TAF1A: variants seen among roughly 807,000 people sequenced by gnomAD.
The protein encoded by TAF1A is TATA-box binding protein associated factor, RNA polymerase I subunit A, also known as TATA box-binding protein-associated factor RNA polymerase I subunit A.
Under a neutral mutation model 61.6 loss-of-function variants are expected in TAF1A, and 42 were observed. The ratio of observed to expected loss-of-function variants is 0.68; its 90% CI spans 0.53 to 0.88. TAF1A has a LOEUF of 0.88. TAF1A is among the 40% of genes least tolerant of loss of function. The pLI is 0.00. For missense variants in TAF1A, 424 were observed against 518.7 expected, an observed-to-expected ratio of 0.82 and a Z score of 1.77; for synonymous variants, 179 against 177.7, an observed-to-expected ratio of 1.01 and a Z score of -0.06.
At chr1:222,573,052 T>C (rs1477619155) in intron 5 of TAF1A, among the ~76,000 whole-genome samples, 1 of 152,176 alleles carries the variant, frequency 6.6e-6, no homozygotes, top group Non-Finnish European at 1.5e-5. Context: ...GCAGATCACT[T>C]GAGGTCAGGA....
Position 222,561,405 on chromosome 1 carries a change from G to A in TAF1A, c.1199C>T (p.Ala400Val), listed in dbSNP as rs1383134719. 5.6e-6 allele frequency: 9 copies of A among 1,610,860 alleles called. No homozygotes were observed. The highest frequency in any genetic ancestry group is 7.6e-6 in the Non-Finnish European group (9 of 1,178,598). ...ACCAGCCACAAAAGCTTTCTCACAG[G>A]CCAAAGCTGTATCTTCCTTCCAATC... ...KSDWKEDTAL[A>V]CEKAFVAGLL... Residue 400 changes from alanine to valine, a missense_variant, in exon 10 of 11, where the codon GCC becomes GTC. Ala to Val is a moderately conservative substitution (Grantham distance 64). Coordinates refer to ENST00000352967, the MANE Select transcript of TAF1A (RefSeq NM_005681.4).
In TAF1A at chr1:222,577,393, C is replaced by T. The variant is rs557328680; in HGVS notation, c.604+52G>A. 5 of 1,452,308 alleles carry T rather than the reference C, an allele frequency of 3.4e-6. No individual in the cohort carries two copies. In the East Asian group the frequency reaches 1.1e-4, roughly 33 times the overall value. The allele number at this position is 1,452,308 out of a possible 1,614,324, so 90.0% of individuals were successfully genotyped here. A position where few individuals can be genotyped will look rare whatever the true frequency, so the allele number is the denominator to read the frequency against. On this transcript the variant is annotated intron_variant, in intron 5 of 10. Transcript: ENST00000352967. ...AAATTACTAGATTACTCCTTAAGAT[C>T]CCTCTGCCCCTCAGTCTCATCATAA...
intron 8 of TAF1A, 48 bp from the exon 9 acceptor site, chr1:222,563,344 C>T (rs752888286): frequency 1.9e-6 from 3 of 1,583,690 alleles, no homozygotes; most frequent in South Asian, 2.3e-5. Flanking sequence ...TTAAAGTGTA[C>T]AAAGCTAAAA....
intron 8 of TAF1A, among the ~76,000 whole-genome samples, chr1:222,563,656 G>A (rs966269968): frequency 1.3e-5 from 2 of 152,192 alleles, no homozygotes; most frequent in African/African-American, 4.8e-5. Flanking sequence ...ACCAGCTTGG[G>A]CTTAGCCAGC....
chr1:222,561,078 A>G (rs1261042698), intron 10 of TAF1A, among the ~76,000 whole-genome samples: 4 of 152,188 alleles, frequency 2.6e-5, no homozygotes, highest in Non-Finnish European at 4.4e-5. Flanking sequence ...CTATAAAACA[A>G]GGCCAAATGG....
Position 222,569,536 on chromosome 1 carries a change from T to C in TAF1A, c.868A>G (p.Arg290Gly). 1 of 1,614,050 alleles carries C rather than the reference T, an allele frequency of 6.2e-7. No homozygotes were observed. The highest frequency in any genetic ancestry group is 8.5e-7 in the Non-Finnish European group (1 of 1,179,964). Residue 290 changes from arginine to glycine, a missense_variant, in exon 7 of 11, where the codon AGA (arginine) becomes GGA (glycine). Arg to Gly is a moderately radical substitution (Grantham distance 125). Coordinates refer to ENST00000352967, the MANE Select transcript of TAF1A (RefSeq NM_005681.4). ...TTAAGCACACTTATCAATTTTGATCTTGGTGCCTTCTGTCTCTTTAGAAAG... is the reference window on the plus strand; with the variant it reads ...TTAAGCACACTTATCAATTTTGATCCTGGTGCCTTCTGTCTCTTTAGAAAG... ...YNFLKRQKAP[R>G]SKLISVLKIL...
intron 7 of TAF1A, among the ~76,000 whole-genome samples, chr1:222,564,573 A>C (rs1660047253): frequency 6.6e-6 from 1 of 152,150 alleles, no homozygotes; most frequent in Non-Finnish European, 1.5e-5. Flanking sequence ...AAAGGCTGGG[A>C]GTTAATTTCA....
At chr1:222,561,318 A>G in intron 10 of TAF1A, 46 bp downstream of exon 10, 1 of 1,555,984 alleles carries the variant, frequency 6.4e-7, no homozygotes, top group East Asian at 2.3e-5. Flanking sequence ...ATAATTTCAA[A>G]ATCAGCCAAA....
At chr1:222,581,584 T>C (rs974406033) in intron 3 of TAF1A, among the ~76,000 whole-genome samples, 4 of 152,188 alleles carry the variant, frequency 2.6e-5, no homozygotes, top group Non-Finnish European at 5.9e-5. Flanking sequence ...AATTGTCAAC[T>C]GTTAGAGGAA....
chr1:222,572,014 C>T (rs757988003), intron 5 of TAF1A, among the ~76,000 whole-genome samples: 9 of 151,996 alleles, frequency 5.9e-5, no homozygotes, highest in African/African-American at 4.8e-5. Flanking sequence ...GTCAGGAGTT[C>T]GAGACCAGCC....
At chr1:222,584,388 T>TA (rs1660928596) in intron 2 of TAF1A, 91 bp from the exon 3 acceptor site, 1 of 1,265,318 alleles carries the variant, frequency 7.9e-7, no homozygotes, top group Admixed American at 2.6e-5. Context: ...TTTTAACAAG[T>TA]AAACAGTAGG....
intron 1 of TAF1A, 71 bp from the exon 2 acceptor site, chr1:222,588,636 AC>A (rs1661124421): frequency 4.0e-6 from 6 of 1,488,394 alleles, no homozygotes; most frequent in Middle Eastern, 3.6e-4. Context: ...GTACAGAAAA[AC>A]GGCTATCTTT....
chr1:222,574,281 T>C (rs1252902615), intron 5 of TAF1A, among the ~76,000 whole-genome samples: 1 of 152,008 alleles, frequency 6.6e-6, no homozygotes, highest in Non-Finnish European at 1.5e-5. Flanking sequence ...TCAATAAAGC[T>C]ATAAAGAAAA....
At chr1:222,573,239 C>T (rs1660433643) in intron 5 of TAF1A, among the ~76,000 whole-genome samples, 1 of 152,092 alleles carries the variant, frequency 6.6e-6, no homozygotes, top group South Asian at 2.1e-4. Flanking sequence ...ACTTGCACTC[C>T]TGCCTCGGTG....
chr1:222,560,494 C>A (rs565123000), intron 10 of TAF1A, among the ~76,000 whole-genome samples: 1 of 152,304 alleles, frequency 6.6e-6, no homozygotes, highest in East Asian at 1.9e-4. Flanking sequence ...TCCTACTCTG[C>A]TCAAAGAGAC....
Position 222,573,598 on chromosome 1 carries a change from T to C in TAF1A, c.605-2933A>G, listed in dbSNP as rs140266403. ...TGACTATAATAGAAAAGACAGATAA[T>C]GGCAAGTGTTGGTGAGGATGTGGAG... On this transcript the variant is annotated intron_variant, in intron 5 of 10. Transcript: ENST00000352967. Among the ~76,000 whole-genome samples, 239 of 152,238 alleles carry C rather than the reference T, an allele frequency of 1.6e-3. 8 individuals are homozygous for C. The East Asian group carries it at 0.041, about 26-fold the overall frequency.
chr1:222,588,086 G>A (rs1316473592), intron 2 of TAF1A, among the ~76,000 whole-genome samples: 1 of 151,698 alleles, frequency 6.6e-6, no homozygotes, highest in Non-Finnish European at 1.5e-5. Flanking sequence ...AATTCTATTC[G>A]AAATAATTTC....
chr1:222,561,412 C>A lies in TAF1A; in HGVS notation c.1192G>T (p.Ala398Ser). 1 of 1,612,340 alleles carries A rather than the reference C, an allele frequency of 6.2e-7. No homozygotes were observed. The highest frequency in any genetic ancestry group is 8.5e-7 in the Non-Finnish European group (1 of 1,179,230). Residue 398 changes from alanine to serine, a missense_variant, in exon 10 of 11, where the codon GCT (alanine) becomes TCT (serine). By Grantham distance (99) the Ala-to-Ser change is moderately conservative. Coordinates refer to ENST00000352967, the MANE Select transcript of TAF1A (RefSeq NM_005681.4). ...WAKSDWKEDT[A>S]LACEKAFVAG... ...ACAAAAGCTTTCTCACAGGCCAAAGCTGTATCTTCCTTCCAATCACTTTTT... is the reference window on the plus strand; with the variant it reads ...ACAAAAGCTTTCTCACAGGCCAAAGATGTATCTTCCTTCCAATCACTTTTT...
At chr1:222,583,795 C>T (rs377248751) in intron 3 of TAF1A, among the ~76,000 whole-genome samples, 7 of 149,300 alleles carry the variant, frequency 4.7e-5, no homozygotes, top group South Asian at 2.1e-4. Context: ...GCCGAGATCG[C>T]GCTACTTCAC....
Sources: allele counts gnomAD v4.1 joint callset (sites outside exome capture counted in the v4.1 genomes callset), GRCh38; gene constraint gnomAD v4.1.1; transcripts MANE v1.5; gene names NCBI Gene and HGNC (gene_info 2026-07-23, HGNC 2026-07-21).